ZCCHC2: variants seen among roughly 807,000 people sequenced by gnomAD.
ZCCHC2 encodes zinc finger CCHC-type containing 2, also known as zinc finger CCHC domain-containing protein 2.
Under a neutral mutation model 103.6 loss-of-function variants are expected in ZCCHC2, and 39 were observed. The observed-to-expected ratio is 0.38, with a 90% CI of 0.29 to 0.49. ZCCHC2 has a LOEUF of 0.49. ZCCHC2 is among the 20% of genes least tolerant of loss of function. The pLI, the probability that ZCCHC2 is intolerant of heterozygous loss-of-function variation, is 0.96. For synonymous variants in ZCCHC2, 687 were observed against 608.9 expected, an observed-to-expected ratio of 1.13 and a Z score of -1.89; for missense variants, 1,483 against 1,491.0, an observed-to-expected ratio of 0.99 and a Z score of 0.09.
rs763476689 is a variant in ZCCHC2, at chr18:62,575,196, C to A, written c.3115C>A (p.Pro1039Thr). 4.3e-6 allele frequency: 7 copies of A among 1,613,868 alleles called. No individual in the cohort carries two copies. Among genetic ancestry groups the A allele is most frequent in the African/African-American group, 1.3e-5 (1 of 74,922 alleles). ...TAGTTACTATTATCCTAATCCAATG[C>A]CTGGACCAATGTACCGAGTCCCTTC... ...LNSYYYPNPMPGPMYRVPSFF... is the reference protein window; with the variant it reads ...LNSYYYPNPMTGPMYRVPSFF... Residue 1039 changes from proline (P) to threonine (T), a missense_variant, in exon 13 of 14, where the codon CCT (proline) becomes ACT (threonine). Coordinates refer to ENST00000269499, the MANE Select transcript of ZCCHC2 (RefSeq NM_017742.6).
At chr18:62,532,826 A>C (rs1186105111) in intron 1 of ZCCHC2, among the ~76,000 whole-genome samples, 2 of 152,236 alleles carry the variant, frequency 1.3e-5, no homozygotes. Flanking sequence ...GCTTGAGCCC[A>C]GGAGTTCAAG....
chr18:62,523,415 C>T lies in ZCCHC2; in HGVS notation c.-10C>T, dbSNP rs1914142606. ...CCCCCGCTCGCATGTCTGCGCCGCC[C>T]TAGCCGAGGATGCTGAGGATGAAGC... On this transcript the variant is annotated 5_prime_UTR_variant, in exon 1 of 14. Transcript: ENST00000269499. 9.3e-6 allele frequency: 10 copies of T among 1,072,164 alleles called. No individual in the cohort carries two copies. The highest frequency in any genetic ancestry group is 1.0e-5 in the Non-Finnish European group (9 of 881,054). The allele number at this position is 1,072,164 out of a possible 1,614,324, so 66.4% of individuals were successfully genotyped here. A position where few individuals can be genotyped will look rare whatever the true frequency, so the allele number is the denominator to read the frequency against.
chr18:62,564,176 C>T (rs1237151875), intron 9 of ZCCHC2, among the ~76,000 whole-genome samples: 1 of 152,076 alleles, frequency 6.6e-6, no homozygotes, highest in Non-Finnish European at 1.5e-5. Context: ...GTTTACTTTC[C>T]CTCCCCTACT....
chr18:62,532,356 C>T (rs183912388), intron 1 of ZCCHC2, among the ~76,000 whole-genome samples: 134 of 152,340 alleles, frequency 8.8e-4, no homozygotes, highest in African/African-American at 3.0e-3. Flanking sequence ...TGCCTGACAC[C>T]GTTCTCTGTT....
At chr18:62,566,304 C>A (rs927055642) in intron 11 of ZCCHC2, among the ~76,000 whole-genome samples, 1 of 152,126 alleles carries the variant, frequency 6.6e-6, no homozygotes. Context: ...CTCATTGAAG[C>A]ATTGGAAGTG....
At chr18:62,564,849 A>C (rs888028826) in intron 10 of ZCCHC2, among the ~76,000 whole-genome samples, 153 bp from the exon 11 acceptor site, 1 of 152,204 alleles carries the variant, frequency 6.6e-6, no homozygotes, top group Non-Finnish European at 1.5e-5. Context: ...AAACTCTCAG[A>C]ACTTTCCACG....
intron 14 of ZCCHC2, among the ~76,000 whole-genome samples, chr18:62,584,107 C>T (rs772566714): frequency 1.1e-4 from 16 of 152,178 alleles, no homozygotes; most frequent in African/African-American, 1.7e-4. Flanking sequence ...AATTCCTAAA[C>T]GCTGTCCTCT....
chr18:62,524,621 A>G (rs1364755975), intron 1 of ZCCHC2: 2 of 473,322 alleles, frequency 4.2e-6, no homozygotes, highest in Non-Finnish European at 7.1e-6. Context: ...CTTCCGTGCC[A>G]CGGTGTTGCC....
At position 62,575,045 on chromosome 18, in the gene ZCCHC2, C is replaced by T. The variant is rs1264399424; in HGVS notation, c.2964C>T (p.Tyr988=). The T allele has an allele frequency of 6.2e-6, 10 of 1,613,942 alleles. 1 individual carries two copies. The highest frequency in any genetic ancestry group is 4.0e-5 in the African/African-American group (3 of 74,940). ...CCGCGCAGAGTGACAGCACCTCTTA[C>T]ATCAGTGCTGTGGGGAACACGAACG... ...HSTAQSDSTS[Y]ISAVGNTNAN... Residue 988 remains tyrosine, a synonymous_variant, in exon 13 of 14, where the codon TAC becomes TAT. Coordinates refer to ENST00000269499, the MANE Select transcript of ZCCHC2 (RefSeq NM_017742.6).
intron 2 of ZCCHC2, 121 bp downstream of exon 2, chr18:62,539,913 C>T: frequency 1.3e-6 from 1 of 769,030 alleles, no homozygotes; most frequent in Non-Finnish European, 2.1e-6. Context: ...TCCTACTGGT[C>T]CTAGGCTTCA....
chr18:62,564,464 G>A, intron 9 of ZCCHC2, 107 bp from the exon 10 acceptor site: 1 of 805,732 alleles, frequency 1.2e-6, no homozygotes, highest in Middle Eastern at 3.7e-4. Flanking sequence ...ATCAACACTT[G>A]TTAGAATATA....
At chr18:62,576,438 G>A in intron 13 of ZCCHC2, 74 bp from the exon 14 acceptor site, 1 of 1,342,628 alleles carries the variant, frequency 7.4e-7, no homozygotes, top group Non-Finnish European at 1.1e-6. Context: ...ATGCCCGTGT[G>A]ATAGCTTGTA....
Position 62,577,473 on chromosome 18 carries a change from G to C in ZCCHC2, c.*894G>C, listed in dbSNP as rs1319929505. ...TGTCTACCACCGTGTTGTGCTCAAA[G>C]AGACACTACTTGAGTGAAGATTTCT... On this transcript the variant is annotated 3_prime_UTR_variant, in exon 14 of 14. Coordinates refer to ENST00000269499, the MANE Select transcript of ZCCHC2 (RefSeq NM_017742.6). The C allele has an allele frequency of 6.6e-6, 1 of 152,462 alleles. No homozygotes were observed. The highest frequency in any genetic ancestry group is 2.4e-5 in the African/African-American group (1 of 41,442). 9.4% of individuals were successfully genotyped at this position (152,462 alleles called of 1,614,324 possible).
At position 62,558,677 on chromosome 18, in the gene ZCCHC2, C is replaced by T; in HGVS notation, c.1409-10C>T. The T allele has an allele frequency of 1.4e-6, 2 of 1,471,946 alleles. No individual in the cohort carries two copies. Among genetic ancestry groups the T allele is most frequent in the South Asian group, 2.7e-5 (2 of 74,300 alleles). The allele number at this position is 1,471,946 out of a possible 1,614,324, so 91.2% of individuals were successfully genotyped here. On this transcript the variant is annotated splice_polypyrimidine_tract_variant and intron_variant, in intron 6 of 13. Transcript: ENST00000269499. The stretch of plus-strand genomic sequence containing the variant: ...CCTAAAAAGTTAATAGTATTGAATG[C>T]TTCCTGCAGATAACTTACAATCCTC...
At chr18:62,556,545 T>C (rs1307217703) in intron 6 of ZCCHC2, among the ~76,000 whole-genome samples, 1 of 152,120 alleles carries the variant, frequency 6.6e-6, no homozygotes. Context: ...GCATGGCCAG[T>C]CCTTCATTTC....
rs756784835 is a variant in ZCCHC2 at position 62,523,463 on chromosome 18, C to G, written c.39C>G (p.Pro13=). 3.8e-5 allele frequency: 42 copies of G among 1,093,962 alleles called. No individual in the cohort carries two copies. Among genetic ancestry groups the G allele is most frequent in the Middle Eastern group, 8.2e-4 (2 of 2,426 alleles). The allele number at this position is 1,093,962 out of a possible 1,614,324, so 67.8% of individuals were successfully genotyped here. The change falls in exon 1 of 14, where the codon CCC becomes CCG. Residue 13 remains proline, a synonymous_variant. Transcript: ENST00000269499. The part of the protein sequence containing the change: ...RMKLPLKPTH[P]AEPPPEAEEP... ...AGCTGCCGCTGAAGCCAACGCACCC[C>G]GCGGAGCCGCCGCCCGAGGCGGAGG...
chr18:62,576,844 C>CT lies in ZCCHC2; in HGVS notation c.*281dup, dbSNP rs34072948. ...AGACAAACTTAAATGTTGGTGCGTG[C>CT]TTTTTTTTTTTTTTTTACACTGAAT... is the stretch of plus-strand genomic sequence containing the variant. On this transcript the variant is annotated 3_prime_UTR_variant, in exon 14 of 14. Transcript: ENST00000269499. 0.063 allele frequency: 13,501 copies of CT among 214,224 alleles called. 494 individuals carry two copies. Among genetic ancestry groups the CT allele is most frequent in the Middle Eastern group, 0.093 (55 of 594 alleles). The allele number at this position is 214,224 out of a possible 1,614,324, so 13.3% of individuals were successfully genotyped here.
intron 14 of ZCCHC2, among the ~76,000 whole-genome samples, chr18:62,583,667 A>ACCCC (rs71893758): frequency 6.8e-6 from 1 of 147,312 alleles, no homozygotes; most frequent in African/African-American, 2.5e-5. Context: ...AAAAATACTG[A>ACCCC]CCCCCCCCTC....
rs973071245 is a variant in ZCCHC2, at chr18:62,577,080, C to G, written c.*501C>G. On this transcript the variant is annotated 3_prime_UTR_variant, in exon 14 of 14. Transcript: ENST00000269499. ...GGAGCAGCCAGCAGTGCATTCACCC[C>G]ACTTTTGTAAACTGCTCTGCATATA... 6.9e-5 allele frequency: 11 copies of G among 159,408 alleles called. No homozygotes were observed. Among genetic ancestry groups the G allele is most frequent in the African/African-American group, 2.4e-4 (10 of 41,474 alleles). The allele number at this position is 159,408 out of a possible 1,614,324, so 9.9% of individuals were successfully genotyped here.
Sources: allele counts gnomAD v4.1 joint callset (sites outside exome capture counted in the v4.1 genomes callset), GRCh38; gene constraint gnomAD v4.1.1; transcripts MANE v1.5; gene names NCBI Gene and HGNC (gene_info 2026-07-23, HGNC 2026-07-21).